DSCAM: variants seen among roughly 807,000 people sequenced by gnomAD.
DSCAM encodes the protein cell adhesion molecule DSCAM.
DSCAM carries 47 observed loss-of-function variants against 217.7 expected under a neutral mutation model. The observed-to-expected ratio is 0.22, with a 90% CI of 0.17 to 0.28. DSCAM has a LOEUF of 0.28. DSCAM is among the 10% of genes least tolerant of loss of function. The pLI is 1.00. For synonymous variants in DSCAM, 1,056 were observed against 1,015.3 expected (o/e 1.04, Z -0.76); for missense variants, 2,080 against 2,618.3 (o/e 0.79, Z 4.49).
chr21:40,480,776 T>A (rs764148939), intron 3 of DSCAM, among the ~76,000 whole-genome samples: 5 of 152,246 alleles, frequency 3.3e-5, no homozygotes, highest in Non-Finnish European at 5.9e-5. Context: ...AAGGCCATTA[T>A]CACTGACACT....
intron 20 of DSCAM, among the ~76,000 whole-genome samples, chr21:40,121,594 T>C (rs1276697409): frequency 1.3e-5 from 2 of 151,704 alleles, no homozygotes; most frequent in African/African-American, 4.8e-5. Flanking sequence ...CTTTTTAATA[T>C]GGTCAAAAGG....
At chr21:40,366,216 A>G (rs552959405) in intron 4 of DSCAM, among the ~76,000 whole-genome samples, 4 of 152,012 alleles carry the variant, frequency 2.6e-5, no homozygotes, top group Non-Finnish European at 5.9e-5. Context: ...TTTTTGAATT[A>G]GTGTTTTATT....
chr21:40,534,728 A>G (rs1230282439), intron 3 of DSCAM, among the ~76,000 whole-genome samples: 2 of 152,230 alleles, frequency 1.3e-5, no homozygotes, highest in Non-Finnish European at 2.9e-5. Context: ...TTTAAAAAGT[A>G]ATCTATTATG....
At chr21:40,443,196 C>T (rs1350944488) in intron 3 of DSCAM, among the ~76,000 whole-genome samples, 1 of 152,162 alleles carries the variant, frequency 6.6e-6, no homozygotes, top group Non-Finnish European at 1.5e-5. Flanking sequence ...TTTCTTTTAC[C>T]AGCATGAAAT....
At chr21:40,320,019 G>T (rs1181932463) in intron 8 of DSCAM, among the ~76,000 whole-genome samples, 1 of 152,168 alleles carries the variant, frequency 6.6e-6, no homozygotes, top group Non-Finnish European at 1.5e-5. Flanking sequence ...TGGACACAGG[G>T]AGAGGAAGAA....
chr21:40,030,024 ACACATT>A (rs1228674463), intron 32 of DSCAM, among the ~76,000 whole-genome samples: 1 of 152,180 alleles, frequency 6.6e-6, no homozygotes, highest in Admixed American at 6.5e-5. Flanking sequence ...GTGCACACAT[ACACATT>A]CACACACAAG....
At chr21:40,085,892 T>C in intron 22 of DSCAM, 127 bp from the exon 23 acceptor site, 3 of 792,960 alleles carry the variant, frequency 3.8e-6, no homozygotes, top group Non-Finnish European at 5.4e-6. Flanking sequence ...TCTTGCATTA[T>C]GAAAGAACTA....
chr21:40,159,795 C>G lies in DSCAM; in HGVS notation c.3018+7423G>C, dbSNP rs970250864. On this transcript the variant is annotated intron_variant, in intron 16 of 32. Coordinates refer to ENST00000400454, the MANE Select transcript of DSCAM (RefSeq NM_001389.5). ...ATAGGGTTTCACCATGTTGGCCAGG[C>G]TGGTCTCGAACTCGTGATGTTAAGT... Among the ~76,000 whole-genome samples the G allele has an allele frequency of 2.0e-5, 3 of 152,190 alleles. No individual in the cohort carries two copies. In the East Asian group the frequency reaches 5.8e-4, roughly 29 times the overall value.
chr21:40,534,864 G>A (rs182065268), intron 3 of DSCAM, among the ~76,000 whole-genome samples: 21 of 151,956 alleles, frequency 1.4e-4, no homozygotes, highest in Non-Finnish European at 1.9e-4. Context: ...CAAATCATGG[G>A]CGGTTGTAAT....
intron 3 of DSCAM, among the ~76,000 whole-genome samples, chr21:40,572,843 A>G (rs1487658701): frequency 6.6e-6 from 1 of 152,218 alleles, no homozygotes; most frequent in Non-Finnish European, 1.5e-5. Flanking sequence ...ATTATAACTG[A>G]TAAAACAAGT....
rs924113641 is a variant in DSCAM at position 40,512,733 on chromosome 21, T to C, written c.509-143488A>G. Among the ~76,000 whole-genome samples the C allele has an allele frequency of 3.3e-5, 5 of 152,032 alleles. No homozygotes were observed. In the South Asian group the frequency reaches 8.3e-4, roughly 25 times the overall value. On this transcript the variant is annotated intron_variant, in intron 3 of 32. Coordinates refer to ENST00000400454, the MANE Select transcript of DSCAM (RefSeq NM_001389.5). ...TAGTTATGCGCCATAAGAGTAACAG[T>C]GCTCTGACCTCCCTCGTTCACACCT... is the stretch of plus-strand genomic sequence containing the variant.
intron 1 of DSCAM, among the ~76,000 whole-genome samples, chr21:40,815,273 G>C (rs1193926929): frequency 2.6e-5 from 4 of 152,068 alleles, no homozygotes; most frequent in Admixed American, 6.6e-5. Flanking sequence ...ACTGCCACGA[G>C]ATAAGGCTAT....
At chr21:40,837,562 C>T (rs2092067024) in intron 1 of DSCAM, among the ~76,000 whole-genome samples, 1 of 152,194 alleles carries the variant, frequency 6.6e-6, no homozygotes, top group Non-Finnish European at 1.5e-5. Context: ...ATTAACCATC[C>T]TACCCACATT....
rs1356344021 is a variant in DSCAM, at chr21:40,620,356, AG to A, written c.508+72453del. Among the ~76,000 whole-genome samples, 184 of 132,490 alleles carry A rather than the reference AG, an allele frequency of 1.4e-3. 6 individuals are homozygous for A. Among genetic ancestry groups the A allele is most frequent in the African/African-American group, 4.6e-3 (165 of 36,094 alleles). The allele number at this position is 132,490 out of a possible 152,430, so 86.9% of individuals were successfully genotyped here. On this transcript the variant is annotated intron_variant, in intron 3 of 32. Coordinates refer to ENST00000400454, the MANE Select transcript of DSCAM (RefSeq NM_001389.5). ...GAAAAAGAAAGAAAGAGAAAGAGAG[AG>A]AAAAAAGAAAAAGAAAGAAAGAAAG...
intron 3 of DSCAM, among the ~76,000 whole-genome samples, chr21:40,403,858 A>C (rs2075259529): frequency 6.6e-6 from 1 of 152,208 alleles, no homozygotes; most frequent in Non-Finnish European, 1.5e-5. Flanking sequence ...GTTAAGTTTT[A>C]AGTGTTCAGA....
At chr21:40,234,548 G>A (rs908392421) in intron 11 of DSCAM, among the ~76,000 whole-genome samples, 1 of 152,172 alleles carries the variant, frequency 6.6e-6, no homozygotes, top group Non-Finnish European at 1.5e-5. Flanking sequence ...TAAGGAATAT[G>A]AAAATTCTGT....
intron 16 of DSCAM, among the ~76,000 whole-genome samples, chr21:40,149,853 T>C (rs971276387): frequency 2.0e-5 from 3 of 150,358 alleles, no homozygotes; most frequent in African/African-American, 7.4e-5. Context: ...ACAACATCCA[T>C]CACTCCATCA....
chr21:40,056,398 A>C (rs1444679755), intron 28 of DSCAM, among the ~76,000 whole-genome samples: 1 of 152,214 alleles, frequency 6.6e-6, no homozygotes, highest in African/African-American at 2.4e-5. Flanking sequence ...TACATTTTAG[A>C]ATGGAAAAAA....
At chr21:40,342,649 T>TATATATA (rs1555907253) in intron 6 of DSCAM, among the ~76,000 whole-genome samples, 6 of 39,004 alleles carry the variant, frequency 1.5e-4, no homozygotes, top group African/African-American at 2.9e-4. Flanking sequence ...TATATATATA[T>TATATATA]TTTTTTTTTT....
Sources: allele counts gnomAD v4.1 joint callset (sites outside exome capture counted in the v4.1 genomes callset), GRCh38; gene constraint gnomAD v4.1.1; transcripts MANE v1.5; gene names NCBI Gene and HGNC (gene_info 2026-07-23, HGNC 2026-07-21).